ALG9: variants seen among roughly 807,000 people sequenced by gnomAD.
ALG9 encodes the protein alpha-1,2-mannosyltransferase ALG9.
A neutral mutation model predicts 81.8 loss-of-function variants in ALG9; 55 were observed. That is an observed-to-expected ratio of 0.67 (90% CI 0.54 to 0.84). The LOEUF (loss-of-function observed/expected upper bound fraction) is 0.84. ALG9 is among the 40% of genes least tolerant of loss of function. The probability of loss-of-function intolerance (pLI) is 0.00; values close to 1 mark genes in which losing one functional copy is unlikely to be tolerated. For missense variants in ALG9, 629 were observed against 745.0 expected, an observed-to-expected ratio of 0.84 and a Z score of 1.81; for synonymous variants, 278 against 274.3, an observed-to-expected ratio of 1.01 and a Z score of -0.13.
chr11:111,786,465 C>T lies in ALG9; in HGVS notation c.1789G>A (p.Val597Met). Residue 597 changes from valine (V) to methionine (M), a missense_variant, in exon 15 of 15, where the codon GTG becomes ATG. Physicochemically the swap from Val to Met is conservative, Grantham distance 21 (BLOSUM62 1). Around this residue, in one of 3 missense-constraint regions of ALG9, gnomAD observed 264 missense variants for 302.2 expected, o/e 0.87. Coordinates refer to ENST00000616540, the MANE Select transcript of ALG9 (RefSeq NM_024740.2). Reference protein sequence around the residue: ...YVPFLSDQYTVYVNYTILKPR... With the variant: ...YVPFLSDQYTMYVNYTILKPR... ...TTGAGGATGGTGTAGTTTACGTACA[C>T]TGTATACTGATCTGACAGGAAGGGG... is the stretch of plus-strand genomic sequence containing the variant. 1 of 1,614,050 alleles carries T rather than the reference C, an allele frequency of 6.2e-7. No individual in the cohort carries two copies. The highest frequency in any genetic ancestry group is 8.5e-7 in the Non-Finnish European group (1 of 1,179,994).
intron 14 of ALG9, among the ~76,000 whole-genome samples, chr11:111,797,871 G>A (rs1948533127): frequency 5.3e-5 from 8 of 152,138 alleles, no homozygotes; most frequent in Admixed American, 5.2e-4. Context: ...CGTAGGCACT[G>A]AAAGAACATA....
rs535288416 is a variant in ALG9 at position 111,793,556 on chromosome 11, G to T, written c.1734-7036C>A. ...GCGGGCGGATCACAAGGTCAGGAGA[G>T]CAAGACCATCCTGGCTAACATGGTG... On this transcript the variant is annotated intron_variant, in intron 14 of 14. Transcript: ENST00000616540. Among the ~76,000 whole-genome samples, 529 of 152,122 alleles carry T rather than the reference G, an allele frequency of 3.5e-3. 4 individuals are homozygous for T. Among genetic ancestry groups the T allele is most frequent in the African/African-American group, 0.011 (468 of 41,508 alleles).
intron 13 of ALG9, among the ~76,000 whole-genome samples, chr11:111,834,442 T>A (rs1954891356): frequency 6.6e-6 from 1 of 152,190 alleles, no homozygotes; most frequent in Non-Finnish European, 1.5e-5. Context: ...ATTATCAGAT[T>A]AAGAACACTT....
At chr11:111,793,760 CAAA>C (rs35166603) in intron 14 of ALG9, among the ~76,000 whole-genome samples, 3 of 53,868 alleles carry the variant, frequency 5.6e-5, no homozygotes, top group Non-Finnish European at 8.7e-5. Context: ...GAGTCCAGCT[CAAA>C]AAAAAAAAAA....
At chr11:111,794,347 G>A (rs1266695531) in intron 14 of ALG9, among the ~76,000 whole-genome samples, 3 of 152,174 alleles carry the variant, frequency 2.0e-5, no homozygotes, top group East Asian at 1.9e-4. Context: ...GCAGTGGCAT[G>A]ATCACAAGTC....
intron 14 of ALG9, among the ~76,000 whole-genome samples, chr11:111,808,962 C>A (rs1254985258): frequency 6.6e-6 from 1 of 152,146 alleles, no homozygotes; most frequent in Non-Finnish European, 1.5e-5. Context: ...CTATCTCAGC[C>A]CTGGCTGAGC....
In ALG9 at chr11:111,783,953, C is replaced by G. The variant is rs59753794; in HGVS notation, c.*2444G>C. The G allele has an allele frequency of 4.9e-5, 4 of 81,454 alleles. No individual in the cohort carries two copies. Among genetic ancestry groups the G allele is most frequent in the Non-Finnish European group, 5.7e-5 (2 of 34,938 alleles). The allele number at this position is 81,454 out of a possible 1,614,324, so 5.0% of individuals were successfully genotyped here. A position where few individuals can be genotyped will look rare whatever the true frequency, so the allele number is the denominator to read the frequency against. On this transcript the variant is annotated 3_prime_UTR_variant, in exon 15 of 15. Coordinates refer to ENST00000616540, the MANE Select transcript of ALG9 (RefSeq NM_024740.2). ...AAAAAAAAAAAACAAGATGACAAAA[C>G]AGATAAAACAGCATTATACTACTTT...
chr11:111,769,617 A>G, the ALG9 span, among the ~76,000 whole-genome samples: 8 of 67,036 alleles, frequency 1.2e-4, no homozygotes, highest in African/African-American at 2.8e-4. Context: ...ACCCTGTCTC[A>G]AAAAAAAAAA....
At chr11:111,865,067 G>A (rs556753106) in intron 4 of ALG9, 114 bp downstream of exon 4, 33 of 824,500 alleles carry the variant, frequency 4.0e-5, no homozygotes, top group African/African-American at 3.5e-4. Context: ...GTGAGCCACC[G>A]CACCCGGTCA....
chr11:111,789,020 C>T (rs4936707), intron 14 of ALG9, among the ~76,000 whole-genome samples: 53,823 of 106,876 alleles, frequency 0.5, 10,291 homozygotes, highest in Middle Eastern at 0.58. Flanking sequence ...TTTTTTTTTT[C>T]CCCCAAGAGA....
At chr11:111,869,831 A>T (rs1196050254) in intron 2 of ALG9, among the ~76,000 whole-genome samples, 1 of 152,100 alleles carries the variant, frequency 6.6e-6, no homozygotes, top group East Asian at 1.9e-4. Flanking sequence ...CTGTTTTTTG[A>T]GACAGAGTCT....
intron 4 of ALG9, among the ~76,000 whole-genome samples, chr11:111,863,287 G>A (rs1395370290): frequency 6.6e-6 from 1 of 152,148 alleles, no homozygotes; most frequent in Non-Finnish European, 1.5e-5. Flanking sequence ...GAACCCGGGA[G>A]GCTGAGGTTG....
chr11:111,837,161 TA>T (rs1555118339), intron 12 of ALG9, among the ~76,000 whole-genome samples: 1 of 152,146 alleles, frequency 6.6e-6, no homozygotes, highest in Non-Finnish European at 1.5e-5. Flanking sequence ...TATAGAAATG[TA>T]AATATGAATC....
intron 13 of ALG9, among the ~76,000 whole-genome samples, chr11:111,835,538 A>T (rs1157158989): frequency 6.6e-6 from 1 of 152,234 alleles, no homozygotes; most frequent in Non-Finnish European, 1.5e-5. Context: ...TGATAACTTG[A>T]AAGTTCCTCA....
intron 8 of ALG9, chr11:111,845,282 C>T (rs989791479): frequency 2.5e-5 from 4 of 157,250 alleles, no homozygotes; most frequent in African/African-American, 7.2e-5. Flanking sequence ...CCAGCCTGGG[C>T]GACACAGTGA....
intron 14 of ALG9, among the ~76,000 whole-genome samples, chr11:111,789,926 A>AT (rs1947139511): frequency 6.6e-6 from 1 of 152,028 alleles, no homozygotes; most frequent in Non-Finnish European, 1.5e-5. Flanking sequence ...GTTCAAAAAA[A>AT]TTTTCTGGTA....
chr11:111,805,185 G>C, intron 14 of ALG9: 1 of 447,196 alleles, frequency 2.2e-6, no homozygotes, highest in Non-Finnish European at 4.5e-6. Context: ...CTTATAAGAA[G>C]AGGCTAGAGA....
chr11:111,825,720 T>C (rs1350754948), intron 13 of ALG9, among the ~76,000 whole-genome samples: 2 of 152,188 alleles, frequency 1.3e-5, no homozygotes, highest in African/African-American at 2.4e-5. Flanking sequence ...GCAAGATTTA[T>C]GTCCTTTTCT....
At chr11:111,852,018 A>C (rs1406028314) in intron 8 of ALG9, among the ~76,000 whole-genome samples, 2 of 152,246 alleles carry the variant, frequency 1.3e-5, no homozygotes, top group Non-Finnish European at 2.9e-5. Flanking sequence ...TAATATTCCC[A>C]AAATTCCAGA....
Sources: gnomAD v4.1 joint callset for allele counts (sites outside exome capture counted in the v4.1 genomes callset) on GRCh38, gnomAD v4.1.1 for gene constraint, gnomAD v4.1.1 regional missense constraint, MANE v1.5 for transcripts, NCBI Gene and HGNC (gene_info 2026-07-23, HGNC 2026-07-21) for gene names.